ABCA4: variants seen among roughly 807,000 people sequenced by gnomAD.
ABCA4 encodes ATP binding cassette subfamily A member 4.
A neutral mutation model predicts 263.7 loss-of-function variants in ABCA4; 196 were observed. That is an observed-to-expected ratio of 0.74 (90% confidence interval 0.66 to 0.84). The LOEUF is 0.84. Ranked by LOEUF, ABCA4 falls within the 40% of genes least tolerant of loss-of-function variation. The pLI is 0.00. For missense variants in ABCA4, 2,792 were observed against 2,855.1 expected (o/e 0.98, Z 0.50); for synonymous variants, 1,133 against 1,094.2 (o/e 1.04, Z -0.70).
intron 44 of ABCA4, among the ~76,000 whole-genome samples, chr1:94,003,556 T>C (rs957403483): frequency 2.6e-5 from 4 of 152,180 alleles, no homozygotes; most frequent in African/African-American, 7.2e-5. Context: ...GTCTAATTTC[T>C]CCATTGTAAA....
At position 94,019,645 on chromosome 1, in the gene ABCA4, G is replaced by A; in HGVS notation, c.5133C>T (p.His1711=). 1 of 1,612,776 alleles carries A rather than the reference G, an allele frequency of 6.2e-7. No homozygotes were observed. Among genetic ancestry groups the A allele is most frequent in the Non-Finnish European group, 8.5e-7 (1 of 1,179,420 alleles). ...GGCTCACTCCACTGATAAACTGGAG[G>A]TGCTTGGATTTGTTCACCCGCTCCT... The part of the protein sequence containing the change: ...LIQERVNKSK[H]LQFISGVSPT... The change falls in exon 36 of 50, where the codon CAC becomes CAT. Residue 1711 remains histidine (H), a synonymous_variant. Coordinates refer to ENST00000370225, the MANE Select transcript of ABCA4 (RefSeq NM_000350.3).
At chr1:94,111,849 G>T (rs753474850) in intron 2 of ABCA4, among the ~76,000 whole-genome samples, 17 of 152,174 alleles carry the variant, frequency 1.1e-4, no homozygotes, top group Non-Finnish European at 1.9e-4. Flanking sequence ...AAGCAAGGGG[G>T]GACACGTCAT....
intron 3 of ABCA4, among the ~76,000 whole-genome samples, chr1:94,109,044 T>G (rs1218599583): frequency 6.6e-6 from 1 of 152,190 alleles, no homozygotes; most frequent in East Asian, 1.9e-4. Context: ...AGTGCTGGGA[T>G]TACAGGCATG....
intron 19 of ABCA4, chr1:94,045,822 A>G (rs1660656076): frequency 2.2e-6 from 1 of 456,246 alleles, no homozygotes; most frequent in South Asian, 1.5e-5. Flanking sequence ...GGGCTCTCCA[A>G]AGGACTTGAA....
rs189709469 is a variant in ABCA4, at chr1:94,062,465, T to C, written c.1937+112A>G. On this transcript the variant is annotated intron_variant, in intron 13 of 49. Coordinates refer to ENST00000370225, the MANE Select transcript of ABCA4 (RefSeq NM_000350.3). ...TGCTCTCCAATTTGGCTCTGGTCCC[T>C]GGGGCTCTCTCTAAAGACATGGAAG... 1.5e-4 allele frequency: 206 copies of C among 1,363,736 alleles called. No individual in the cohort carries two copies. The Middle Eastern group carries it at 1.8e-3, about 12-fold the overall frequency. 84.5% of individuals were successfully genotyped at this position (1,363,736 alleles called of 1,614,324 possible). A position where few individuals can be genotyped will look rare whatever the true frequency, so the allele number is the denominator to read the frequency against.
intron 17 of ABCA4, 84 bp downstream of exon 17, chr1:94,051,549 G>A (rs1042051010): frequency 8.1e-6 from 10 of 1,231,570 alleles, no homozygotes; most frequent in Non-Finnish European, 1.2e-5. Flanking sequence ...TACATAGAGG[G>A]CCACCTCTGT....
In ABCA4 at chr1:94,121,036, C is replaced by T. The variant is rs369852553; in HGVS notation, c.10G>A (p.Val4Met). 2 of 1,614,040 alleles carry T rather than the reference C, an allele frequency of 1.2e-6. No homozygotes were observed. The highest frequency in any genetic ancestry group is 2.7e-5 in the African/African-American group (2 of 74,896). The change falls in exon 1 of 50, where the codon GTG becomes ATG. Residue 4 changes from valine (V) to methionine (M), a missense_variant. Coordinates refer to ENST00000370225, the MANE Select transcript of ABCA4 (RefSeq NM_000350.3). MGF[V>M]RQIQLLLWKN... ...CAGAGCAAAAGCTGTATCTGTCTCA[C>T]GAAGCCCATGCTAATGACCACACGA...
rs61751399 is a variant in ABCA4, at chr1:94,041,367, C to T, written c.3364G>A (p.Glu1122Lys). Reference sequence around the variant, plus strand: ...ATGCGGTCCCCAAGGAGGTCGGCCTCGTCCATGTGGTGAGTGGACATGATG... The same window carrying T: ...ATGCGGTCCCCAAGGAGGTCGGCCTTGTCCATGTGGTGAGTGGACATGATG... ...TIIMSTHHMD[E>K]ADLLGDRIAI... is the part of the protein sequence containing the mutation. Residue 1122 changes from glutamate (E) to lysine (K), a missense_variant, in exon 23 of 50, where the codon GAG becomes AAG. Physicochemically the swap from Glu to Lys is moderately conservative, Grantham distance 56. Coordinates refer to ENST00000370225, the MANE Select transcript of ABCA4 (RefSeq NM_000350.3). 27 of 1,613,956 alleles carry T rather than the reference C, an allele frequency of 1.7e-5. No individual in the cohort carries two copies. Among genetic ancestry groups the T allele is most frequent in the Admixed American group, 3.3e-5 (2 of 60,000 alleles).
In ABCA4 at chr1:94,078,717, A is replaced by G; in HGVS notation, c.1240-11T>C. The G allele has an allele frequency of 6.3e-7, 1 of 1,585,936 alleles. No homozygotes were observed. Among genetic ancestry groups the G allele is most frequent in the Non-Finnish European group, 8.7e-7 (1 of 1,153,960 alleles). On this transcript the variant is annotated splice_polypyrimidine_tract_variant and intron_variant, in intron 9 of 49. Transcript: ENST00000370225. ...AAAAGTTGAGTTGGCCTAAAACCAG[A>G]CAGAGATCAAGACAGAGACACGAAC...
chr1:93,996,006 G>T, intron 49 of ABCA4, 103 bp downstream of exon 49: 1 of 1,022,318 alleles, frequency 9.8e-7, no homozygotes, highest in Non-Finnish European at 1.5e-6. Flanking sequence ...GCTCTCTGTA[G>T]GAGGCATATC....
chr1:94,030,911 T>A, intron 28 of ABCA4, 85 bp downstream of exon 28: 1 of 1,581,136 alleles, frequency 6.3e-7, no homozygotes, highest in Non-Finnish European at 8.7e-7. Flanking sequence ...CCCAGTGAAG[T>A]GGGAAGGTCA....
chr1:94,104,442 C>T (rs894354599), intron 4 of ABCA4, among the ~76,000 whole-genome samples: 1 of 152,234 alleles, frequency 6.6e-6, no homozygotes, highest in African/African-American at 2.4e-5. Context: ...CTCCCCTCCC[C>T]CAGTGGCCAA....
intron 6 of ABCA4, among the ~76,000 whole-genome samples, chr1:94,092,026 T>C (rs1661983235): frequency 6.6e-6 from 1 of 152,244 alleles, no homozygotes. Context: ...AATGTGTTCA[T>C]CAAACAGATG....
chr1:94,057,017 T>A (rs1661002878), intron 14 of ABCA4, among the ~76,000 whole-genome samples, 195 bp from the exon 15 acceptor site: 1 of 152,182 alleles, frequency 6.6e-6, no homozygotes, highest in Non-Finnish European at 1.5e-5. Flanking sequence ...CTAACAGTCA[T>A]CAGTAATGTT....
At chr1:94,047,174 T>G in intron 18 of ABCA4, 81 bp from the exon 19 acceptor site, 1 of 1,519,478 alleles carries the variant, frequency 6.6e-7, no homozygotes, top group Non-Finnish European at 9.1e-7. Context: ...GGCCCTTGTA[T>G]TCTGCCTATA....
chr1:94,048,833 T>C, intron 18 of ABCA4, 35 bp downstream of exon 18: 1 of 1,605,502 alleles, frequency 6.2e-7, no homozygotes, highest in East Asian at 2.2e-5. Flanking sequence ...AGCCTTTTCC[T>C]CGCCTCTGCT....
chr1:94,019,734 C>T lies in ABCA4; in HGVS notation c.5044G>A (p.Val1682Ile). ...TVLTTSVDAV[V>I]AICVIFSMSF... ...ATGGAGAAAATCACGCAGATGGCAA[C>T]CACAGCATCCACTGAAGTGGTCAGC... The change falls in exon 36 of 50, where the codon GTT becomes ATT. Residue 1682 changes from valine to isoleucine, a missense_variant. Val to Ile is a conservative substitution (Grantham distance 29). Transcript: ENST00000370225. The T allele has an allele frequency of 6.2e-7, 1 of 1,612,782 alleles. No homozygotes were observed. Among genetic ancestry groups the T allele is most frequent in the South Asian group, 1.1e-5 (1 of 90,782 alleles).
At chr1:94,058,737 G>A (rs1661045543) in intron 14 of ABCA4, among the ~76,000 whole-genome samples, 1 of 152,326 alleles carries the variant, frequency 6.6e-6, no homozygotes, top group African/African-American at 2.4e-5. Flanking sequence ...AAACTTCTAG[G>A]ACTTTTCACT....
chr1:94,041,121 T>C, intron 23 of ABCA4, 88 bp downstream of exon 23: 1 of 1,366,962 alleles, frequency 7.3e-7, no homozygotes, highest in East Asian at 2.3e-5. Flanking sequence ...GGCGAGAGCC[T>C]GTGTGAGTAG....
Sources: allele counts gnomAD v4.1 joint callset (sites outside exome capture counted in the v4.1 genomes callset), GRCh38; gene constraint gnomAD v4.1.1; transcripts MANE v1.5; gene names NCBI Gene and HGNC (gene_info 2026-07-23, HGNC 2026-07-21).